Variants in MMS19 observed in about 807,000 individuals in gnomAD.
The protein encoded by MMS19 is MMS19 nucleotide excision repair protein homolog.
MMS19 carries 77 observed loss-of-function variants against 129.8 expected under a neutral mutation model. That is an observed-to-expected ratio of 0.59 (90% confidence interval 0.49 to 0.72). The LOEUF is 0.72. MMS19 is among the 30% of genes least tolerant of loss of function. The pLI is 0.00. For synonymous variants in MMS19, 491 were observed against 502.8 expected (o/e 0.98, Z 0.31); for missense variants, 1,168 against 1,266.3 (o/e 0.92, Z 1.18).
chr10:97,464,577 T>G (rs1318224399), intron 18 of MMS19, among the ~76,000 whole-genome samples: 1 of 152,184 alleles, frequency 6.6e-6, no homozygotes, highest in Non-Finnish European at 1.5e-5. Context: ...ATTCTGCACT[T>G]CTAACAAGCT....
At chr10:97,469,321 A>C (rs113230930) in intron 11 of MMS19, among the ~76,000 whole-genome samples, 44 of 152,326 alleles carry the variant, frequency 2.9e-4, no homozygotes, top group African/African-American at 9.1e-4. Context: ...AGAAACAAAA[A>C]GCCAACTCTG....
chr10:97,478,040 T>C, intron 4 of MMS19, 111 bp from the exon 5 acceptor site: 1 of 722,908 alleles, frequency 1.4e-6, no homozygotes, highest in South Asian at 1.9e-5. Flanking sequence ...GCATCCTGGT[T>C]GAGGAAGAAG....
At chr10:97,484,744 T>C (rs533755053) in intron 1 of MMS19, among the ~76,000 whole-genome samples, 159 of 152,242 alleles carry the variant, frequency 1.0e-3, no homozygotes, top group African/African-American at 3.7e-3. Flanking sequence ...GGTGAAACCC[T>C]GTCTCTATTA....
rs1356860885 is a variant in MMS19, at chr10:97,470,771, C to G, written c.771+4G>C. 5 of 1,606,792 alleles carry G rather than the reference C, an allele frequency of 3.1e-6. No individual in the cohort carries two copies. Among genetic ancestry groups the G allele is most frequent in the African/African-American group, 1.3e-5 (1 of 74,756 alleles). On this transcript the variant is annotated splice_donor_region_variant and intron_variant, in intron 9 of 30. Transcript: ENST00000438925. The stretch of plus-strand genomic sequence containing the variant: ...CTATATACCCTAACCTTGGCTAGAC[C>G]CACCTCAGCAAATCGTGGTGTAGAA...
At chr10:97,496,400 C>T (rs569790331) in intron 1 of MMS19, among the ~76,000 whole-genome samples, 1 of 151,210 alleles carries the variant, frequency 6.6e-6, no homozygotes, top group Non-Finnish European at 1.5e-5. Context: ...GTTGTCCCAG[C>T]TACTTCGGGA....
intron 1 of MMS19, among the ~76,000 whole-genome samples, chr10:97,490,072 A>T (rs1202412966): frequency 6.6e-6 from 1 of 152,122 alleles, no homozygotes. Flanking sequence ...CACCTCCTGG[A>T]GGGAGGAGTA....
intron 5 of MMS19, 95 bp from the exon 6 acceptor site, chr10:97,477,511 G>T (rs2035978224): frequency 6.6e-7 from 1 of 1,510,036 alleles, no homozygotes; most frequent in East Asian, 2.3e-5. Flanking sequence ...AGTGAACAGT[G>T]CTCTTTATAC....
At chr10:97,462,724 C>T (rs368430161) in intron 19 of MMS19, 42 bp from the exon 20 acceptor site, 128 of 1,480,946 alleles carry the variant, frequency 8.6e-5, no homozygotes, top group Middle Eastern at 1.7e-4. Context: ...AAGACCATGA[C>T]GGGTTCAAGA....
At chr10:97,498,725 C>G, upstream of MMS19, 1 of 353,966 alleles carries the variant, frequency 2.8e-6, no homozygotes, top group Non-Finnish European at 5.2e-6. Flanking sequence ...AAAATCAGGC[C>G]CAGCCCTAGG....
chr10:97,477,486 G>A, intron 5 of MMS19, 70 bp from the exon 6 acceptor site: 1 of 1,604,816 alleles, frequency 6.2e-7, no homozygotes, highest in Non-Finnish European at 8.5e-7. Flanking sequence ...GCTAGTTCCT[G>A]CTTCATAATC....
chr10:97,493,363 G>C (rs1188472213), intron 1 of MMS19, among the ~76,000 whole-genome samples: 1 of 152,156 alleles, frequency 6.6e-6, no homozygotes, highest in South Asian at 2.1e-4. Context: ...GATCGCTAGA[G>C]GTCAGGAGTT....
intron 2 of MMS19, among the ~76,000 whole-genome samples, chr10:97,482,104 A>G (rs2036910098): frequency 6.6e-6 from 1 of 152,198 alleles, no homozygotes. Context: ...TGGGCCCAGG[A>G]GATCGAGGCT....
Position 97,460,970 on chromosome 10 carries a change from G to T in MMS19, c.2349C>A (p.Asp783Glu). The change falls in exon 24 of 31, where the codon GAC becomes GAA. Residue 783 changes from aspartate to glutamate, a missense_variant. By Grantham distance (45) the Asp-to-Glu change is conservative (BLOSUM62 2). This residue lies in a region of MMS19 where 831 missense variants were observed against 910.8 expected (regional missense o/e 0.91). Transcript: ENST00000438925. ...QLDEFLQLAV[D>E]KVEAGLGSGP... ...CAGAGCCCAGGCCAGCCTCCACTTT[G>T]TCCACAGCTAGCTGTAGGAATTCAT... The T allele has an allele frequency of 1.9e-6, 3 of 1,573,190 alleles. No individual in the cohort carries two copies. Among genetic ancestry groups the T allele is most frequent in the Non-Finnish European group, 2.6e-6 (3 of 1,158,578 alleles).
rs768978319 is a variant in MMS19, at chr10:97,470,834, T to C, written c.712A>G (p.Arg238Gly). The part of the protein sequence containing the change: ...PPPNDPHGIQ[R>G]EDLILSLRAV... ...CGAAGACTCAGGATGAGGTCTTCTC[T>C]CTGGATACCATGGGGATCATTAGGT... Residue 238 changes from arginine (R) to glycine (G), a missense_variant, in exon 9 of 31, where the codon AGA (arginine) becomes GGA (glycine). Physicochemically the swap from Arg to Gly is moderately radical, Grantham distance 125. Around this residue, in one of 3 missense-constraint regions of MMS19, gnomAD observed 329 missense variants for 328.6 expected, o/e 1.00. Coordinates refer to ENST00000438925, the MANE Select transcript of MMS19 (RefSeq NM_022362.5). 2 of 1,613,872 alleles carry C rather than the reference T, an allele frequency of 1.2e-6. No individual in the cohort carries two copies. The highest frequency in any genetic ancestry group is 1.1e-5 in the South Asian group (1 of 91,066).
chr10:97,480,254 G>C, intron 3 of MMS19: 6 of 448,070 alleles, frequency 1.3e-5, no homozygotes, highest in Non-Finnish European at 2.8e-5. Flanking sequence ...GCTGGTATCT[G>C]TGGCAGGCGG....
chr10:97,472,307 T>C (rs1257038062), intron 8 of MMS19, among the ~76,000 whole-genome samples: 5 of 152,254 alleles, frequency 3.3e-5, no homozygotes, highest in Admixed American at 1.3e-4. Context: ...TGGCACGATC[T>C]TGGCTCACTG....
At chr10:97,477,987 C>T in intron 4 of MMS19, 58 bp from the exon 5 acceptor site, 2 of 1,172,434 alleles carry the variant, frequency 1.7e-6, no homozygotes, top group Non-Finnish European at 2.4e-6. Context: ...GCCTCCAAGA[C>T]ACAACCCTAC....
Position 97,466,747 on chromosome 10 carries a change from T to C in MMS19, c.1423+29A>G, listed in dbSNP as rs2033577907. 5 of 1,613,892 alleles carry C rather than the reference T, an allele frequency of 3.1e-6. No homozygotes were observed. The South Asian group carries it at 4.4e-5, about 14-fold the overall frequency. ...AGTCTTACAAGAAAAGGACCAATAT[T>C]TTCCTCTTCTCTTTCCCTTAAGATG... On this transcript the variant is annotated intron_variant, in intron 15 of 30. Coordinates refer to ENST00000438925, the MANE Select transcript of MMS19 (RefSeq NM_022362.5).
At chr10:97,480,614 C>T (rs1384893476) in intron 3 of MMS19, among the ~76,000 whole-genome samples, 1 of 152,260 alleles carries the variant, frequency 6.6e-6, no homozygotes, top group East Asian at 1.9e-4. Context: ...TGGAGTCCCG[C>T]TCTGTCATCC....
Sources: allele counts gnomAD v4.1 joint callset (sites outside exome capture counted in the v4.1 genomes callset), GRCh38; gene constraint gnomAD v4.1.1; regional missense constraint gnomAD v4.1.1; transcripts MANE v1.5; gene names NCBI Gene and HGNC (gene_info 2026-07-23, HGNC 2026-07-21).